FAM193A: variants seen among roughly 807,000 people sequenced by gnomAD.
FAM193A encodes the protein protein FAM193A.
FAM193A carries 22 observed loss-of-function variants against 126.5 expected under a neutral mutation model. The ratio of observed to expected loss-of-function variants is 0.17; its 90% confidence interval spans 0.12 to 0.25. The LOEUF (loss-of-function observed/expected upper bound fraction) is 0.25. Among genes scored for constraint, FAM193A ranks in the 10% least tolerant of loss-of-function variants. The pLI is 1.00. For missense variants in FAM193A, 1,675 were observed against 1,672.8 expected (o/e 1.00, Z -0.02); for synonymous variants, 761 against 646.8 (o/e 1.18, Z -2.68).
At chr4:2,657,700 A>C (rs971406885) in intron 7 of FAM193A, 103 bp from the exon 8 acceptor site, 2 of 710,592 alleles carry the variant, frequency 2.8e-6, no homozygotes, top group African/African-American at 3.6e-5. Flanking sequence ...TGTTTCTCTC[A>C]TATATATCAT....
At chr4:2,726,778 C>CAAAAAAAAAAA (rs71589604) in intron 20 of FAM193A, among the ~76,000 whole-genome samples, 2 of 44,940 alleles carry the variant, frequency 4.5e-5, no homozygotes, top group East Asian at 7.4e-4. Flanking sequence ...CTAAAAATAC[C>CAAAAAAAAAAA]AAAAAAAAAA....
chr4:2,571,707 T>C (rs575354639), intron 1 of FAM193A, among the ~76,000 whole-genome samples: 1 of 151,200 alleles, frequency 6.6e-6, no homozygotes, highest in Admixed American at 6.6e-5. Flanking sequence ...GCCCAGCTAA[T>C]TTTTGTATTT....
At chr4:2,698,160 T>G (rs1717255903) in intron 18 of FAM193A, among the ~76,000 whole-genome samples, 1 of 152,266 alleles carries the variant, frequency 6.6e-6, no homozygotes, top group African/African-American at 2.4e-5. Context: ...CAGCAATAGT[T>G]GACCTATGGA....
chr4:2,552,591 G>A (rs1006132687), intron 1 of FAM193A, among the ~76,000 whole-genome samples: 1 of 151,912 alleles, frequency 6.6e-6, no homozygotes, highest in East Asian at 1.9e-4. Context: ...ATGCTGGAGT[G>A]CAGTGACACG....
chr4:2,699,642 C>CA (rs1560584855), intron 18 of FAM193A, 38 bp from the exon 19 acceptor site: 2 of 1,554,666 alleles, frequency 1.3e-6, no homozygotes, highest in Non-Finnish European at 1.7e-6. Context: ...TTTTAGCACT[C>CA]ACTGTAGTCT....
At chr4:2,576,649 G>A (rs1410947124) in intron 1 of FAM193A, among the ~76,000 whole-genome samples, 2 of 152,194 alleles carry the variant, frequency 1.3e-5, no homozygotes, top group Admixed American at 6.5e-5. Context: ...GATTACAGGT[G>A]TGCACCACCA....
chr4:2,660,116 ATACAG>A, intron 10 of FAM193A, 62 bp downstream of exon 10: 7 of 1,538,306 alleles, frequency 4.6e-6, no homozygotes, highest in Non-Finnish European at 6.2e-6. Context: ...TGAGAAATAC[ATACAG>A]TAATGTCCAC....
intron 2 of FAM193A, among the ~76,000 whole-genome samples, chr4:2,608,314 G>A (rs1741663166): frequency 6.6e-6 from 1 of 152,106 alleles, no homozygotes; most frequent in Admixed American, 6.6e-5. Context: ...GAGTAGCTGG[G>A]ACTACAGGTG....
chr4:2,607,711 G>A (rs563050271), intron 2 of FAM193A, among the ~76,000 whole-genome samples: 2 of 152,204 alleles, frequency 1.3e-5, no homozygotes, highest in Non-Finnish European at 2.9e-5. Context: ...TAGGCTTATA[G>A]CATGGCCTTA....
In FAM193A at chr4:2,558,274, A is replaced by G. The variant is rs757095682; in HGVS notation, c.255+21104A>G. On this transcript the variant is annotated intron_variant, in intron 1 of 20. Transcript: ENST00000637812. ...ACAGAGCGAGACTGCATCTCAAATG[A>G]AAAAAAAAAAAAAGGAAAGAAAAAA... is the stretch of plus-strand genomic sequence containing the variant. Among the ~76,000 whole-genome samples the G allele has an allele frequency of 4.5e-4, 64 of 141,674 alleles. No individual in the cohort carries two copies. In the South Asian group the frequency reaches 0.011, roughly 24 times the overall value. The allele number at this position is 141,674 out of a possible 152,430, so 92.9% of individuals were successfully genotyped here.
At chr4:2,606,328 G>A (rs1741550379) in intron 2 of FAM193A, among the ~76,000 whole-genome samples, 1 of 152,142 alleles carries the variant, frequency 6.6e-6, no homozygotes, top group South Asian at 2.1e-4. Context: ...GGGATTATAG[G>A]CGTGAGCCAC....
At chr4:2,659,510 C>T in intron 8 of FAM193A, 48 bp from the exon 9 acceptor site, 1 of 1,292,294 alleles carries the variant, frequency 7.7e-7, no homozygotes, top group African/African-American at 1.5e-5. Flanking sequence ...TGAGCCATGT[C>T]TCGGGGAAGG....
chr4:2,556,500 G>A (rs1198985953), intron 1 of FAM193A, among the ~76,000 whole-genome samples: 6 of 152,064 alleles, frequency 3.9e-5, no homozygotes, highest in Non-Finnish European at 8.8e-5. Context: ...CACCACGCCC[G>A]GCTGAGATAC....
chr4:2,677,036 T>C (rs939524686), intron 13 of FAM193A, among the ~76,000 whole-genome samples: 3 of 152,212 alleles, frequency 2.0e-5, no homozygotes, highest in Non-Finnish European at 4.4e-5. Context: ...GATCCAGTGT[T>C]GTGAAGCTTT....
At chr4:2,694,003 A>G (rs1289313748) in intron 16 of FAM193A, 129 bp downstream of exon 16, 2 of 987,328 alleles carry the variant, frequency 2.0e-6, no homozygotes, top group Non-Finnish European at 3.0e-6. Flanking sequence ...GAGGGAATGC[A>G]GGGATGTCCC....
At chr4:2,714,828 A>G (rs1215590775) in intron 19 of FAM193A, among the ~76,000 whole-genome samples, 1 of 152,158 alleles carries the variant, frequency 6.6e-6, no homozygotes, top group African/African-American at 2.4e-5. Flanking sequence ...ATGGAGACTC[A>G]CCTTTAACAA....
intron 2 of FAM193A, among the ~76,000 whole-genome samples, chr4:2,617,079 A>T (rs1398373056): frequency 2.1e-4 from 30 of 139,694 alleles, no homozygotes; most frequent in African/African-American, 7.4e-4. Flanking sequence ...GAGGCTGGAG[A>T]ATTGCTTGAA....
At chr4:2,598,592 C>G (rs1386312897) in intron 2 of FAM193A, among the ~76,000 whole-genome samples, 1 of 152,222 alleles carries the variant, frequency 6.6e-6, no homozygotes, top group African/African-American at 2.4e-5. Context: ...CTTCTCCTTT[C>G]TGGAAGACTG....
At chr4:2,698,599 A>G (rs182224586) in intron 18 of FAM193A, among the ~76,000 whole-genome samples, 2 of 152,368 alleles carry the variant, frequency 1.3e-5, no homozygotes, top group Admixed American at 1.3e-4. Flanking sequence ...GTGAAAAATA[A>G]TTTACACTTG....
Sources: allele counts gnomAD v4.1 joint callset (sites outside exome capture counted in the v4.1 genomes callset), GRCh38; gene constraint gnomAD v4.1.1; transcripts MANE v1.5; gene names NCBI Gene and HGNC (gene_info 2026-07-23, HGNC 2026-07-21).